MASP1: variants seen among roughly 807,000 people sequenced by gnomAD.
MASP1 encodes the protein mannan-binding lectin serine protease 1.
In MASP1, 59 loss-of-function variants were observed where a neutral mutation model predicts 77.1. The observed-to-expected ratio is 0.77, with a 90% CI of 0.62 to 0.95. The LOEUF (loss-of-function observed/expected upper bound fraction) is 0.95. Ranked by LOEUF, MASP1 falls within the 40% of genes least tolerant of loss-of-function variation. The pLI is 0.00. For synonymous variants in MASP1, 362 were observed against 354.5 expected (o/e 1.02, Z -0.24); for missense variants, 885 against 912.9 (o/e 0.97, Z 0.39).
intron 2 of MASP1, among the ~76,000 whole-genome samples, chr3:187,268,320 A>G (rs1320160656): frequency 6.6e-6 from 1 of 152,000 alleles, no homozygotes; most frequent in African/African-American, 2.4e-5. Flanking sequence ...TGTCTCTACA[A>G]AAAATACAAA....
chr3:187,252,068 A>C (rs1714657199), intron 6 of MASP1, among the ~76,000 whole-genome samples: 1 of 152,320 alleles, frequency 6.6e-6, no homozygotes, highest in Middle Eastern at 3.4e-3. Flanking sequence ...TATCCTCCGC[A>C]GTAGATGCCA....
intron 2 of MASP1, among the ~76,000 whole-genome samples, chr3:187,282,149 T>G (rs1481867658): frequency 6.6e-6 from 1 of 152,120 alleles, no homozygotes; most frequent in Non-Finnish European, 1.5e-5. Flanking sequence ...AAAACCACCT[T>G]CAGCTAGAGC....
intron 1 of MASP1, among the ~76,000 whole-genome samples, chr3:187,287,406 C>A (rs1018235614): frequency 7.2e-4 from 110 of 152,338 alleles, no homozygotes; most frequent in African/African-American, 2.6e-3. Context: ...TATGGAGTAT[C>A]CTTTCACTCC....
At chr3:187,229,742 C>T, downstream of MASP1, 1 of 1,613,792 alleles carries the variant, frequency 6.2e-7, no homozygotes. Flanking sequence ...GCTTCCACCC[C>T]TTCCACCTTC....
At chr3:187,248,738 C>T (rs1340397963) in intron 8 of MASP1, among the ~76,000 whole-genome samples, 1 of 152,192 alleles carries the variant, frequency 6.6e-6, no homozygotes, top group Non-Finnish European at 1.5e-5. Context: ...TGCAGGCATC[C>T]AGTCAACATT....
At chr3:187,291,480 C>T in intron 1 of MASP1, 148 bp downstream of exon 1, 1 of 1,109,030 alleles carries the variant, frequency 9.0e-7, no homozygotes, top group Non-Finnish European at 1.4e-6. Flanking sequence ...CAGCTCCCTT[C>T]TCAGAGCCCT....
rs542905229 is a variant in MASP1 at position 187,252,058 on chromosome 3, T to C, written c.893-306A>G. Among the ~76,000 whole-genome samples, 46 of 152,304 alleles carry C rather than the reference T, an allele frequency of 3.0e-4. No homozygotes were observed. In the South Asian group the frequency reaches 9.3e-3, roughly 31 times the overall value. ...TCCTTGTCTGATGCTTCTCTTAAAATATCCTCCGCAGTAGATGCCAAACAG... is the reference window on the plus strand; with the variant it reads ...TCCTTGTCTGATGCTTCTCTTAAAACATCCTCCGCAGTAGATGCCAAACAG... On this transcript the variant is annotated intron_variant, in intron 6 of 10. Coordinates refer to ENST00000296280, the MANE Select transcript of MASP1 (RefSeq NM_139125.4).
Position 187,220,955 on chromosome 3 carries a change from A to T in MASP1, c.1909+80T>A. 2.6e-6 allele frequency: 3 copies of T among 1,156,304 alleles called. No homozygotes were observed. In the South Asian group the frequency reaches 3.7e-5, roughly 14 times the overall value. 71.6% of individuals were successfully genotyped at this position (1,156,304 alleles called of 1,614,324 possible). ...CACACTGCCAGCCCACCAGGTTGGG[A>T]GGCCTCTGTGCTCCCTTGCTGGCTC... On this transcript the variant is annotated intron_variant, in intron 15 of 15. Coordinates refer to the MASP1 transcript ENST00000337774.
chr3:187,262,857 G>A, intron 2 of MASP1, 137 bp from the exon 3 acceptor site: 1 of 718,320 alleles, frequency 1.4e-6, no homozygotes. Context: ...AGGAGGTTAA[G>A]GATTCTTGAG....
intron 2 of MASP1, among the ~76,000 whole-genome samples, chr3:187,285,118 G>A (rs997629242): frequency 2.0e-5 from 3 of 151,132 alleles, no homozygotes; most frequent in Non-Finnish European, 4.4e-5. Flanking sequence ...ACCTTTTTCA[G>A]CCTCACTTTA....
downstream of MASP1, among the ~76,000 whole-genome samples, chr3:187,233,244 C>T (rs941060169): frequency 1.3e-5 from 2 of 152,210 alleles, no homozygotes; most frequent in Admixed American, 1.3e-4. Context: ...GCATTTTTCA[C>T]CAGCACCCCA....
chr3:187,241,745 A>G lies in MASP1; in HGVS notation c.1229-190T>C, dbSNP rs1233378796. On this transcript the variant is annotated intron_variant, in intron 9 of 10. Coordinates refer to ENST00000296280, the MANE Select transcript of MASP1 (RefSeq NM_139125.4). The stretch of plus-strand genomic sequence containing the variant: ...AAGAATGAGGAAGAATGTGGCAGGT[A>G]CTCTCTGGGATACAATCCTCCAAAG... The G allele has an allele frequency of 1.3e-5, 7 of 551,106 alleles. No individual in the cohort carries two copies. The Admixed American group carries it at 1.7e-4, about 13-fold the overall frequency. The allele number at this position is 551,106 out of a possible 1,614,324, so 34.1% of individuals were successfully genotyped here.
intron 2 of MASP1, among the ~76,000 whole-genome samples, chr3:187,283,632 C>T (rs899060683): frequency 6.6e-6 from 1 of 152,170 alleles, no homozygotes; most frequent in Admixed American, 6.5e-5. Context: ...TCTTGAGCCT[C>T]AGGTACCAAT....
chr3:187,226,543 C>G (rs1252047687), intron 11 of MASP1: 1 of 1,520,758 alleles, frequency 6.6e-7, no homozygotes, highest in Non-Finnish European at 9.0e-7. Context: ...ACACACGTCT[C>G]ATCGTCCTGC....
Position 187,234,164 on chromosome 3 carries a change from G to T in MASP1, c.*1520C>A. The T allele has an allele frequency of 7.8e-7, 1 of 1,287,228 alleles. No individual in the cohort carries two copies. Among genetic ancestry groups the T allele is most frequent in the Non-Finnish European group, 1.0e-6 (1 of 988,684 alleles). 79.7% of individuals were successfully genotyped at this position (1,287,228 alleles called of 1,614,324 possible). On this transcript the variant is annotated 3_prime_UTR_variant, in exon 11 of 11. Transcript: ENST00000296280. Reference sequence around the variant, plus strand: ...CAGAGGCCCTTTACAGAATGGTGAAGCATATGATATAAAAGATACAAAATA... The same window carrying T: ...CAGAGGCCCTTTACAGAATGGTGAATCATATGATATAAAAGATACAAAATA...
intron 9 of MASP1, chr3:187,242,855 A>G (rs1560244847): frequency 1.2e-5 from 2 of 164,440 alleles, no homozygotes; most frequent in Admixed American, 1.1e-4. Context: ...GGGCCTGGAC[A>G]GGGACTGCTG....
chr3:187,273,900 C>T (rs767405605), intron 2 of MASP1, among the ~76,000 whole-genome samples: 11 of 152,084 alleles, frequency 7.2e-5, no homozygotes, highest in Non-Finnish European at 1.3e-4. Flanking sequence ...TCAAGTCTTT[C>T]GGCCATAAAA....
chr3:187,222,314 C>T (rs963039113), intron 14 of MASP1, among the ~76,000 whole-genome samples: 4 of 152,184 alleles, frequency 2.6e-5, no homozygotes, highest in Admixed American at 2.6e-4. Context: ...CCAAGGGGGC[C>T]AGGGACCAGA....
intron 4 of MASP1, among the ~76,000 whole-genome samples, chr3:187,259,062 C>T (rs16861800): frequency 9.8e-4 from 149 of 152,284 alleles, no homozygotes; most frequent in African/African-American, 3.3e-3. Flanking sequence ...TGCTTCGTTC[C>T]CCACTGCATT....
Sources: allele counts gnomAD v4.1 joint callset (sites outside exome capture counted in the v4.1 genomes callset), GRCh38; gene constraint gnomAD v4.1.1; transcripts MANE v1.5; gene names NCBI Gene and HGNC (gene_info 2026-07-23, HGNC 2026-07-21).